The following FYCO1 variants were observed in gnomAD, a reference collection of about 807,000 sequenced individuals.
FYCO1 encodes the protein FYVE and coiled-coil domain autophagy adaptor 1.
FYCO1 carries 122 observed loss-of-function variants against 165.1 expected under a neutral mutation model. The observed-to-expected ratio is 0.74, with a 90% confidence interval of 0.64 to 0.86. FYCO1 has a LOEUF of 0.86. Ranked by LOEUF, FYCO1 falls within the 40% of genes least tolerant of loss-of-function variation. The pLI is 0.00. For synonymous variants in FYCO1, 648 were observed against 742.5 expected, an observed-to-expected ratio of 0.87 and a Z score of 2.07; for missense variants, 1,702 against 1,810.3, an observed-to-expected ratio of 0.94 and a Z score of 1.09.
chr3:45,942,299 A>T (rs1704275914), intron 14 of FYCO1, among the ~76,000 whole-genome samples: 1 of 152,196 alleles, frequency 6.6e-6, no homozygotes, highest in African/African-American at 2.4e-5. Flanking sequence ...GCCTATCTGT[A>T]CGTGACTAGG....
chr3:45,946,793 C>A, intron 14 of FYCO1: 1 of 1,613,896 alleles, frequency 6.2e-7, no homozygotes, highest in Non-Finnish European at 8.5e-7. Context: ...TGTGCAAGAG[C>A]CTACTGGGCA....
chr3:45,967,908 A>G lies in FYCO1; in HGVS notation c.1426T>C (p.Leu476=), dbSNP rs1706183829. Residue 476 remains leucine (L), a synonymous_variant, in exon 8 of 18, where the codon TTG becomes CTG. Coordinates refer to ENST00000296137, the MANE Select transcript of FYCO1 (RefSeq NM_024513.4). ...TCCCAGGAGCTCGTGTGGGCCAGCA[A>G]CTCCTGCAGCCGTCGCCAGAGCTGG... ...ADQLWRRLQE[L]LAHTSSWEEE... The G allele has an allele frequency of 1.9e-6, 3 of 1,612,708 alleles. No homozygotes were observed. The highest frequency in any genetic ancestry group is 2.5e-6 in the Non-Finnish European group (3 of 1,179,654).
chr3:45,938,422 A>T (rs1704018483), intron 14 of FYCO1, among the ~76,000 whole-genome samples: 1 of 152,266 alleles, frequency 6.6e-6, no homozygotes, highest in Admixed American at 6.5e-5. Flanking sequence ...AGAGAAATAG[A>T]ATAAAACAGA....
At chr3:45,938,052 C>A in intron 14 of FYCO1, 2 of 404,266 alleles carry the variant, frequency 4.9e-6, no homozygotes, top group South Asian at 1.9e-5. Context: ...AGAAATAACA[C>A]AGAATGAGAG....
In FYCO1 at chr3:45,986,604, G is replaced by A. The variant is rs536886094; in HGVS notation, c.-112-1582C>T. On this transcript the variant is annotated intron_variant, in intron 1 of 17. Coordinates refer to ENST00000296137, the MANE Select transcript of FYCO1 (RefSeq NM_024513.4). ...TTAGGAAGGAAACAGACACATGCCC[G>A]TACCACAGTCCCAGGAATTCATGAG... 5.9e-5 allele frequency among the ~76,000 whole-genome samples: 9 copies of A among 152,236 alleles called. No homozygotes were observed. The South Asian group carries it at 1.7e-3, about 28-fold the overall frequency.
In FYCO1 at chr3:45,920,239, G is replaced by A. The variant is rs1575320364; in HGVS notation, c.*1526C>T. 1 of 152,242 alleles carries A rather than the reference G, an allele frequency of 6.6e-6. No individual in the cohort carries two copies. Among genetic ancestry groups the A allele is most frequent in the Admixed American group, 6.5e-5 (1 of 15,274 alleles). 9.4% of individuals were successfully genotyped at this position (152,242 alleles called of 1,614,324 possible). A position where few individuals can be genotyped will look rare whatever the true frequency, so the allele number is the denominator to read the frequency against. ...TGGGGTCTCTGTTGGACTTGGCCTG[G>A]AGTCCCTGACCCATTCTCAAGCCCT... On this transcript the variant is annotated 3_prime_UTR_variant, in exon 18 of 18. Coordinates refer to ENST00000296137, the MANE Select transcript of FYCO1 (RefSeq NM_024513.4).
At chr3:45,943,751 C>T (rs1704391910) in intron 14 of FYCO1, among the ~76,000 whole-genome samples, 1 of 152,132 alleles carries the variant, frequency 6.6e-6, no homozygotes, top group South Asian at 2.1e-4. Flanking sequence ...GAACATGTTT[C>T]CAGGCACACA....
chr3:45,938,559 T>C (rs1489181270), intron 14 of FYCO1, among the ~76,000 whole-genome samples: 1 of 152,260 alleles, frequency 6.6e-6, no homozygotes, highest in Non-Finnish European at 1.5e-5. Context: ...CATGGCACGA[T>C]CTTGGCTTAC....
rs923886577 is a variant in FYCO1, at chr3:45,964,781, A to T, written c.3150+252T>A. Among the ~76,000 whole-genome samples the T allele has an allele frequency of 6.6e-6, 1 of 152,182 alleles. No homozygotes were observed. Among genetic ancestry groups the T allele is most frequent in the Non-Finnish European group, 1.5e-5 (1 of 68,020 alleles). Reference sequence around the variant, plus strand: ...CACCCCTGCTCCCACCCATTTCAGAATCACTGGCTGGCGATCACCCATAGA... The same window carrying T: ...CACCCCTGCTCCCACCCATTTCAGATTCACTGGCTGGCGATCACCCATAGA... On this transcript the variant is annotated intron_variant, in intron 9 of 17. Coordinates refer to ENST00000296137, the MANE Select transcript of FYCO1 (RefSeq NM_024513.4). This position sits in a 1 kb window ranked among gnomAD's most constrained non-coding sequence, Gnocchi z 4.1.
rs9865446 is a variant in FYCO1, at chr3:45,936,651, G to T, written c.3945-108C>A. ...ACAGGCAGCCAAATCCAGATGCATG[G>T]GGGATCCTTTAATCATAGAGGCCAT... On this transcript the variant is annotated intron_variant, in intron 14 of 17. Coordinates refer to ENST00000296137, the MANE Select transcript of FYCO1 (RefSeq NM_024513.4). 3,711 of 798,368 alleles carry T rather than the reference G, an allele frequency of 4.6e-3. 90 individuals carry two copies. In the African/African-American group the frequency reaches 0.049, roughly 11 times the overall value. 49.5% of individuals were successfully genotyped at this position (798,368 alleles called of 1,614,324 possible). A position where few individuals can be genotyped will look rare whatever the true frequency, so the allele number is the denominator to read the frequency against.
chr3:45,992,510 G>A (rs1707608483), intron 1 of FYCO1, among the ~76,000 whole-genome samples: 1 of 152,176 alleles, frequency 6.6e-6, no homozygotes, highest in South Asian at 2.1e-4. Context: ...TATGTATTAT[G>A]CAACAAAGAT....
At chr3:45,946,153 C>T (rs1053715356) in intron 14 of FYCO1, 17 of 260,490 alleles carry the variant, frequency 6.5e-5, no homozygotes, top group South Asian at 1.9e-4. Context: ...GGCAGCAAAG[C>T]GACTTTTGGT....
At chr3:45,960,158 G>A (rs1179873609) in intron 11 of FYCO1, among the ~76,000 whole-genome samples, 1 of 152,198 alleles carries the variant, frequency 6.6e-6, no homozygotes, top group Non-Finnish European at 1.5e-5. Context: ...GCACTGGAGG[G>A]GGAGGATGTG....
Position 45,975,293 on chromosome 3 carries a change from T to G in FYCO1, c.341A>C (p.His114Pro), listed in dbSNP as rs530538817. ...CTGTAAGGTGTCTGCCAACCTCTGG[T>G]GCACCAAGGAGTAGCGAATAAATGC... The part of the protein sequence containing the change: ...GRAFIRYSLV[H>P]QRLADTLQQC... Residue 114 changes from histidine (H) to proline (P), a missense_variant, in exon 5 of 18, where the codon CAC becomes CCC. Physicochemically the swap from His to Pro is moderately conservative, Grantham distance 77 (BLOSUM62 -2). Coordinates refer to ENST00000296137, the MANE Select transcript of FYCO1 (RefSeq NM_024513.4). 3 of 1,614,188 alleles carry G rather than the reference T, an allele frequency of 1.9e-6. No homozygotes were observed. In the East Asian group the frequency reaches 6.7e-5, roughly 36 times the overall value.
At chr3:45,983,287 G>A (rs1575386876) in intron 2 of FYCO1, among the ~76,000 whole-genome samples, 2 of 152,214 alleles carry the variant, frequency 1.3e-5, no homozygotes, top group East Asian at 3.8e-4. Context: ...GGGCTGCCCT[G>A]CAGAGGAGTG....
At chr3:45,969,960 G>A (rs1207589946) in intron 6 of FYCO1, among the ~76,000 whole-genome samples, 195 bp from the exon 7 acceptor site, 1 of 152,222 alleles carries the variant, frequency 6.6e-6, no homozygotes, top group South Asian at 2.1e-4. Flanking sequence ...CATGGCTAGA[G>A]TTTTACCATC....
chr3:45,927,142 G>C lies in FYCO1; in HGVS notation c.4252-3377C>G, dbSNP rs184368033. On this transcript the variant is annotated intron_variant, in intron 16 of 17. Transcript: ENST00000296137. The stretch of plus-strand genomic sequence containing the variant: ...CGTAAACTTTCTTAAAACATTATGA[G>C]TTTTTTTATTTGTTTTTGTCTTTGT... 1.8e-4 allele frequency among the ~76,000 whole-genome samples: 28 copies of C among 152,186 alleles called. 1 individual carries two copies. In the East Asian group the frequency reaches 5.4e-3, roughly 29 times the overall value.
Position 45,919,215 on chromosome 3 carries a change from T to C in FYCO1, c.*2550A>G, listed in dbSNP as rs1035222765. The C allele has an allele frequency of 2.0e-5, 3 of 152,168 alleles. No homozygotes were observed. Among genetic ancestry groups the C allele is most frequent in the Non-Finnish European group, 4.4e-5 (3 of 68,028 alleles). The allele number at this position is 152,168 out of a possible 1,614,324, so 9.4% of individuals were successfully genotyped here. A position where few individuals can be genotyped will look rare whatever the true frequency, so the allele number is the denominator to read the frequency against. On this transcript the variant is annotated 3_prime_UTR_variant, in exon 18 of 18. Transcript: ENST00000296137. ...CATTTCTTTAAAGTACCCCAGTCCT[T>C]AATTCTCAGTAAAGTTGGGAATCTG...
intron 16 of FYCO1, among the ~76,000 whole-genome samples, chr3:45,925,283 TAA>T (rs917698564): frequency 8.5e-5 from 13 of 152,108 alleles, no homozygotes; most frequent in Middle Eastern, 3.4e-3. Flanking sequence ...TCTTGTCTTA[TAA>T]AGTGTCCCTA....
Sources: gnomAD v4.1 joint callset for allele counts (sites outside exome capture counted in the v4.1 genomes callset) on GRCh38, gnomAD v4.1.1 for gene constraint, Gnocchi (gnomAD v3.1) non-coding constraint, MANE v1.5 for transcripts, NCBI Gene and HGNC (gene_info 2026-07-23, HGNC 2026-07-21) for gene names.